The following SLC11A2 variants were observed in gnomAD, a reference collection of about 807,000 sequenced individuals.
SLC11A2 encodes natural resistance-associated macrophage protein 2.
Under a neutral mutation model 68.0 loss-of-function variants are expected in SLC11A2, and 38 were observed. The ratio of observed to expected loss-of-function variants is 0.56; its 90% CI spans 0.43 to 0.73. The LOEUF (loss-of-function observed/expected upper bound fraction) is 0.73, where lower values mean the gene tolerates loss of function less well. SLC11A2 is among the 30% of genes least tolerant of loss of function. The pLI is 0.00. For synonymous variants in SLC11A2, 242 were observed against 250.6 expected (o/e 0.97, Z 0.32); for missense variants, 517 against 690.5 (o/e 0.75, Z 2.82).
intron 3 of SLC11A2, among the ~76,000 whole-genome samples, chr12:51,006,620 A>G (rs1357524436): frequency 1.3e-5 from 2 of 152,166 alleles, no homozygotes; most frequent in African/African-American, 4.8e-5. Flanking sequence ...AGACATTTAC[A>G]TCTATTTTCT....
At chr12:51,000,041 T>C (rs11169658) in intron 6 of SLC11A2, among the ~76,000 whole-genome samples, 10,821 of 151,920 alleles carry the variant, frequency 0.071, 738 homozygotes, top group East Asian at 0.28. Context: ...AATAAAAAGA[T>C]AGTATCTAGC....
At chr12:50,972,785 TC>T in the SLC11A2 span, among the ~76,000 whole-genome samples, 2 of 152,310 alleles carry the variant, frequency 1.3e-5, no homozygotes, top group South Asian at 4.1e-4. Context: ...ATCGGGTCAC[TC>T]CCACCCTAAT....
downstream of SLC11A2, among the ~76,000 whole-genome samples, chr12:50,982,938 C>CAAAA (rs34727368): frequency 3.3e-5 from 3 of 90,028 alleles, no homozygotes; most frequent in African/African-American, 1.3e-4. Context: ...GAGACTCCGT[C>CAAAA]AAAAAAAAAA....
chr12:51,012,128 C>T (rs1943280542), intron 1 of SLC11A2, among the ~76,000 whole-genome samples: 1 of 152,168 alleles, frequency 6.6e-6, no homozygotes, highest in Non-Finnish European at 1.5e-5. Flanking sequence ...TCCAAGAGAG[C>T]TGAAGCACCA....
At chr12:50,982,074 C>T (rs546040473), downstream of SLC11A2, among the ~76,000 whole-genome samples, 2 of 152,320 alleles carry the variant, frequency 1.3e-5, no homozygotes, top group South Asian at 4.1e-4. Context: ...GTGACACACT[C>T]TGCCTAAGGA....
chr12:50,965,216 C>T, the SLC11A2 span, among the ~76,000 whole-genome samples: 9 of 152,004 alleles, frequency 5.9e-5, no homozygotes, highest in Non-Finnish European at 1.2e-4. Context: ...TGGGTTCAAG[C>T]AATCCACCCA....
chr12:50,986,943 G>A lies in SLC11A2; in HGVS notation c.*1382C>T, dbSNP rs1475778564. 1.6e-6 allele frequency: 2 copies of A among 1,287,086 alleles called. No homozygotes were observed. Among genetic ancestry groups the A allele is most frequent in the Non-Finnish European group, 1.0e-6 (1 of 988,700 alleles). 79.7% of individuals were successfully genotyped at this position (1,287,086 alleles called of 1,614,324 possible). On this transcript the variant is annotated 3_prime_UTR_variant, in exon 16 of 16. Coordinates refer to ENST00000262052, the MANE Select transcript of SLC11A2 (RefSeq NM_000617.3). ...ACTCTGGAAGGAAAGCTCCAAAAAT[G>A]AGAAGTCCTTCAACACCATTTTCCA... is the stretch of plus-strand genomic sequence containing the variant.
intron 1 of SLC11A2, among the ~76,000 whole-genome samples, chr12:51,020,079 A>G (rs892555806): frequency 6.6e-6 from 1 of 151,954 alleles, no homozygotes; most frequent in African/African-American, 2.4e-5. Context: ...TTTTTGAGAC[A>G]GGGTCTTACA....
At chr12:50,971,242 G>C in the SLC11A2 span, among the ~76,000 whole-genome samples, 14 of 151,262 alleles carry the variant, frequency 9.3e-5, no homozygotes, top group East Asian at 2.7e-3. Flanking sequence ...TCCCCAAATA[G>C]GGCAAAGTAA....
chr12:51,005,434 G>A lies in SLC11A2; in HGVS notation c.186C>T (p.Tyr62=). ...AGAGTTTACGAAAGCTAAAACAAGA[G>A]TACTGTACAAGAGAGGAAAAGAGAT... ...NEKISIPEEE[Y]SCFSFRKLWA... is the part of the protein sequence containing the mutation. Residue 62 remains tyrosine, a splice_region_variant and synonymous_variant, in exon 4 of 16, where the codon TAC becomes TAT. Transcript: ENST00000262052. The A allele has an allele frequency of 6.2e-7, 1 of 1,613,558 alleles. No homozygotes were observed. Among genetic ancestry groups the A allele is most frequent in the Non-Finnish European group, 8.5e-7 (1 of 1,179,694 alleles).
At chr12:51,008,304 TG>T in intron 3 of SLC11A2, 171 bp downstream of exon 3, 1 of 333,372 alleles carries the variant, frequency 3.0e-6, no homozygotes, top group African/African-American at 2.4e-5. Flanking sequence ...ATAGATGGGG[TG>T]TGTGTGTGTG....
intron 1 of SLC11A2, chr12:51,025,902 G>A: frequency 1.0e-6 from 1 of 988,356 alleles, no homozygotes; most frequent in Non-Finnish European, 1.2e-6. Context: ...CCCCTGCGGC[G>A]CCGACGAAGA....
the SLC11A2 span, among the ~76,000 whole-genome samples, chr12:50,968,764 A>T: frequency 6.6e-6 from 1 of 150,710 alleles, no homozygotes; most frequent in East Asian, 2.0e-4. Flanking sequence ...CTGGTCTCAA[A>T]CTCCTGACCT....
chr12:51,012,525 T>C (rs1158565566), intron 1 of SLC11A2, among the ~76,000 whole-genome samples: 1 of 152,202 alleles, frequency 6.6e-6, no homozygotes, highest in Non-Finnish European at 1.5e-5. Flanking sequence ...TCTAGTCTTT[T>C]TTCCACCCTT....
the SLC11A2 span, among the ~76,000 whole-genome samples, chr12:50,972,646 A>C: frequency 6.6e-6 from 1 of 152,214 alleles, no homozygotes; most frequent in Admixed American, 6.5e-5. Flanking sequence ...CAGTGGGTGC[A>C]GGACAGTGGG....
the SLC11A2 span, among the ~76,000 whole-genome samples, chr12:50,969,711 A>AAC: frequency 1.3e-5 from 2 of 151,910 alleles, no homozygotes; most frequent in African/African-American, 4.8e-5. Flanking sequence ...TCAAAAAAAA[A>AAC]AAAACAAAAA....
the SLC11A2 span, chr12:50,970,444 G>T: frequency 2.1e-6 from 3 of 1,463,004 alleles, no homozygotes; most frequent in Non-Finnish European, 2.8e-6. Context: ...TTTTCTAGGT[G>T]TTCTCTATTC....
Position 51,010,513 on chromosome 12 carries a change from CA to C in SLC11A2, c.34+181del, listed in dbSNP as rs369760115. On this transcript the variant is annotated intron_variant, in intron 2 of 15. Transcript: ENST00000262052. ...AACCTGGGTGACAGAGACTCCACCT[CA>C]AAAAAAAAAAAAAAATCCATTTTCA... is the stretch of plus-strand genomic sequence containing the variant. Among the ~76,000 whole-genome samples the C allele has an allele frequency of 1.9e-3, 250 of 133,350 alleles. 1 individual carries two copies. The highest frequency in any genetic ancestry group is 5.5e-3 in the African/African-American group (193 of 35,128). 87.5% of individuals were successfully genotyped at this position (133,350 alleles called of 152,430 possible). A position where few individuals can be genotyped will look rare whatever the true frequency, so the allele number is the denominator to read the frequency against.
In SLC11A2 at chr12:51,026,364, T is replaced by G. The variant is rs1272017234; in HGVS notation, c.-93A>C. Reference sequence around the variant, plus strand: ...CGCCCCCGCGCCCAGGGCTCCATATTCCGGGAGCCAGCGCCACGCTGGCTA... The same window carrying G: ...CGCCCCCGCGCCCAGGGCTCCATATGCCGGGAGCCAGCGCCACGCTGGCTA... On this transcript the variant is annotated 5_prime_UTR_variant, in exon 1 of 16. Transcript: ENST00000262052. 3 of 1,281,270 alleles carry G rather than the reference T, an allele frequency of 2.3e-6. No individual in the cohort carries two copies. In the Admixed American group the frequency reaches 6.9e-5, roughly 30 times the overall value. 79.4% of individuals were successfully genotyped at this position (1,281,270 alleles called of 1,614,324 possible). A position where few individuals can be genotyped will look rare whatever the true frequency, so the allele number is the denominator to read the frequency against.
Sources: allele counts gnomAD v4.1 joint callset (sites outside exome capture counted in the v4.1 genomes callset), GRCh38; gene constraint gnomAD v4.1.1; transcripts MANE v1.5; gene names NCBI Gene and HGNC (gene_info 2026-07-23, HGNC 2026-07-21).